Variants in GOLM2 observed in about 807,000 individuals in gnomAD.
GOLM2 encodes golgi membrane protein 2, also known as protein GOLM2.
GOLM2 carries 26 observed loss-of-function variants against 55.9 expected under a neutral mutation model. The ratio of observed to expected loss-of-function variants is 0.47; its 90% CI spans 0.34 to 0.65. The LOEUF is 0.65. GOLM2 is among the 30% of genes least tolerant of loss of function. The pLI, the probability that GOLM2 is intolerant of heterozygous loss-of-function variation, is 0.01. For synonymous variants in GOLM2, 165 were observed against 194.6 expected (o/e 0.85, Z 1.27); for missense variants, 486 against 531.8 (o/e 0.91, Z 0.85).
At chr15:44,409,200 C>T (rs1332826614) in intron 9 of GOLM2, among the ~76,000 whole-genome samples, 1 of 146,988 alleles carries the variant, frequency 6.8e-6, no homozygotes, top group African/African-American at 2.5e-5. Flanking sequence ...AGGAGAATGG[C>T]GTGAACCCGG....
chr15:44,376,271 C>A (rs2079364428), intron 6 of GOLM2, among the ~76,000 whole-genome samples: 1 of 152,010 alleles, frequency 6.6e-6, no homozygotes, highest in South Asian at 2.1e-4. Context: ...AACAAAGATA[C>A]CTATGTTGTT....
chr15:44,303,832 T>G lies in GOLM2; in HGVS notation c.327+14476T>G, dbSNP rs188534509. On this transcript the variant is annotated intron_variant, in intron 1 of 9. Coordinates refer to ENST00000299957, the MANE Select transcript of GOLM2 (RefSeq NM_138423.4). ...CTCAACGCAACTTCCACCTCCCAGG[T>G]TCAAGCAATTCTCGTGCCTTAGCCT... Among the ~76,000 whole-genome samples the G allele has an allele frequency of 5.0e-3, 749 of 150,278 alleles. 5 individuals are homozygous for G. The highest frequency in any genetic ancestry group is 0.017 in the African/African-American group (710 of 40,782).
chr15:44,410,732 C>CG (rs2079632412), intron 9 of GOLM2, among the ~76,000 whole-genome samples: 1 of 96,152 alleles, frequency 1.0e-5, no homozygotes, highest in Non-Finnish European at 2.2e-5. Context: ...CCTGTCTCTA[C>CG]AAAAAAAAAA....
intron 8 of GOLM2, among the ~76,000 whole-genome samples, chr15:44,391,899 G>A (rs1298744324): frequency 2.0e-5 from 3 of 151,968 alleles, no homozygotes; most frequent in African/African-American, 7.3e-5. Context: ...TGCCCAGGCT[G>A]GAGTGCAATG....
chr15:44,304,665 C>T, intron 1 of GOLM2, among the ~76,000 whole-genome samples: 1 of 151,412 alleles, frequency 6.6e-6, no homozygotes. Flanking sequence ...GCAATTCTCC[C>T]ACCTCAGCCT....
At chr15:44,346,469 A>C (rs184847467) in intron 6 of GOLM2, among the ~76,000 whole-genome samples, 3 of 152,316 alleles carry the variant, frequency 2.0e-5, no homozygotes, top group African/African-American at 7.2e-5. Flanking sequence ...GATTCTCTAG[A>C]TCTATACTGT....
chr15:44,332,110 A>T (rs1412708636), intron 4 of GOLM2, 32 bp downstream of exon 4: 1 of 1,015,692 alleles, frequency 9.8e-7, no homozygotes, highest in South Asian at 1.5e-5. Flanking sequence ...AAATCCAAAT[A>T]TTTTTATTAT....
intron 6 of GOLM2, among the ~76,000 whole-genome samples, chr15:44,360,466 A>T (rs2079229801): frequency 6.6e-6 from 1 of 152,244 alleles, no homozygotes; most frequent in Admixed American, 6.5e-5. Flanking sequence ...AGGCCATTAC[A>T]TAATGGTAAA....
intron 1 of GOLM2, among the ~76,000 whole-genome samples, chr15:44,311,312 C>A (rs1356662255): frequency 6.6e-6 from 1 of 152,116 alleles, no homozygotes; most frequent in Non-Finnish European, 1.5e-5. Flanking sequence ...TGGTTCCCCT[C>A]CCTAAGAGGA....
At chr15:44,403,116 A>G (rs2079576543) in intron 9 of GOLM2, 62 bp downstream of exon 9, 54 of 1,586,120 alleles carry the variant, frequency 3.4e-5, no homozygotes, top group Non-Finnish European at 4.7e-5. Flanking sequence ...TTTTTGGTTG[A>G]ATTTGTGTAG....
At chr15:44,379,553 C>G in intron 6 of GOLM2, 137 bp from the exon 7 acceptor site, 1 of 618,908 alleles carries the variant, frequency 1.6e-6, no homozygotes, top group South Asian at 2.0e-5. Context: ...AGCATACCAA[C>G]TATAAGGATT....
chr15:44,362,455 G>T (rs1177977597), intron 6 of GOLM2, among the ~76,000 whole-genome samples: 1 of 150,436 alleles, frequency 6.6e-6, no homozygotes, highest in East Asian at 1.9e-4. Context: ...GCTTCAAAGA[G>T]AATAAAATAC....
At chr15:44,370,191 A>G (rs1595654113) in intron 6 of GOLM2, among the ~76,000 whole-genome samples, 1 of 152,270 alleles carries the variant, frequency 6.6e-6, no homozygotes, top group East Asian at 1.9e-4. Flanking sequence ...TCCTTTGGCA[A>G]CACCCTCACA....
intron 1 of GOLM2, among the ~76,000 whole-genome samples, chr15:44,320,786 C>T (rs772491474): frequency 2.6e-5 from 4 of 152,186 alleles, no homozygotes; most frequent in Non-Finnish European, 2.9e-5. Context: ...TACACTCTAC[C>T]TGGGACTGAA....
Position 44,288,910 on chromosome 15 carries a change from C to G in GOLM2, c.-120C>G. On this transcript the variant is annotated 5_prime_UTR_variant, in exon 1 of 10. Transcript: ENST00000299957. ...CTCCGGCTCGCAGCCGACCGGTAAG[C>G]CCGCCTCCTCCCTCGGCCGGCCCTG... The G allele has an allele frequency of 3.3e-6, 3 of 907,292 alleles. No individual in the cohort carries two copies. In the South Asian group the frequency reaches 5.2e-5, roughly 16 times the overall value. The allele number at this position is 907,292 out of a possible 1,614,324, so 56.2% of individuals were successfully genotyped here.
chr15:44,359,807 G>A (rs538663505), intron 6 of GOLM2, among the ~76,000 whole-genome samples: 3 of 152,176 alleles, frequency 2.0e-5, no homozygotes, highest in Non-Finnish European at 4.4e-5. Context: ...AGAGAGAAAG[G>A]TCGGGTTACC....
At chr15:44,329,279 C>A (rs1052331704) in intron 3 of GOLM2, among the ~76,000 whole-genome samples, 4 of 152,062 alleles carry the variant, frequency 2.6e-5, no homozygotes, top group South Asian at 2.1e-4. Flanking sequence ...AGCAATCACG[C>A]CTTAAAACTT....
chr15:44,334,513 C>T (rs1010376981), intron 4 of GOLM2, among the ~76,000 whole-genome samples: 12 of 152,216 alleles, frequency 7.9e-5, no homozygotes, highest in Admixed American at 3.3e-4. Context: ...TGCCTGCTTT[C>T]GTACTGTTTA....
chr15:44,309,806 A>G (rs767232458), intron 1 of GOLM2, among the ~76,000 whole-genome samples: 1 of 152,180 alleles, frequency 6.6e-6, no homozygotes, highest in Admixed American at 6.5e-5. Context: ...AGTATGTCCA[A>G]GGAAATAGAG....
Sources: gnomAD v4.1 joint callset for allele counts (sites outside exome capture counted in the v4.1 genomes callset) on GRCh38, gnomAD v4.1.1 for gene constraint, MANE v1.5 for transcripts, NCBI Gene and HGNC (gene_info 2026-07-23, HGNC 2026-07-21) for gene names.